The following KIF16B variants were observed in gnomAD, a reference collection of about 807,000 sequenced individuals.
KIF16B encodes kinesin-like protein KIF16B.
KIF16B carries 98 observed loss-of-function variants against 156.3 expected under a neutral mutation model. The observed-to-expected ratio is 0.63, with a 90% confidence interval of 0.53 to 0.74. The LOEUF (loss-of-function observed/expected upper bound fraction) is 0.74. Among genes scored for constraint, KIF16B ranks in the 30% least tolerant of loss-of-function variants. KIF16B has a pLI of 0.00. For synonymous variants in KIF16B, 564 were observed against 583.7 expected, an observed-to-expected ratio of 0.97 and a Z score of 0.49; for missense variants, 1,421 against 1,606.5, an observed-to-expected ratio of 0.88 and a Z score of 1.97.
intron 23 of KIF16B, among the ~76,000 whole-genome samples, chr20:16,338,178 C>G (rs148993478): frequency 6.6e-6 from 1 of 152,144 alleles, no homozygotes; most frequent in African/African-American, 2.4e-5. Context: ...CCGGCTCTCC[C>G]GTGAGGAAGC....
chr20:16,363,711 T>C (rs1400796377), intron 22 of KIF16B, among the ~76,000 whole-genome samples: 1 of 152,186 alleles, frequency 6.6e-6, no homozygotes, highest in Non-Finnish European at 1.5e-5. Context: ...GGTCCCAAAA[T>C]GATATGTGTG....
chr20:16,367,899 ACT>A, intron 22 of KIF16B: 1 of 1,488,556 alleles, frequency 6.7e-7, no homozygotes, highest in Non-Finnish European at 8.9e-7. Flanking sequence ...GGAATCGAAC[ACT>A]CTGTCCACCA....
chr20:16,442,979 C>G (rs1169539589), intron 12 of KIF16B, among the ~76,000 whole-genome samples: 1 of 152,170 alleles, frequency 6.6e-6, no homozygotes, highest in Non-Finnish European at 1.5e-5. Context: ...TGAGTAGGCT[C>G]CTTGCTTCTC....
At chr20:16,393,959 G>A (rs534587964) in intron 17 of KIF16B, among the ~76,000 whole-genome samples, 3 of 152,204 alleles carry the variant, frequency 2.0e-5, no homozygotes, top group African/African-American at 7.2e-5. Flanking sequence ...AACCTTGACT[G>A]AATTAGCAAC....
intron 25 of KIF16B, among the ~76,000 whole-genome samples, chr20:16,306,229 C>T (rs1429192179): frequency 1.3e-5 from 2 of 152,184 alleles, no homozygotes; most frequent in East Asian, 3.9e-4. Flanking sequence ...AGATGTATTC[C>T]TGGGATTTTT....
chr20:16,407,025 T>C (rs955226041), intron 15 of KIF16B, among the ~76,000 whole-genome samples: 2 of 152,184 alleles, frequency 1.3e-5, no homozygotes, highest in Non-Finnish European at 2.9e-5. Context: ...CAAAACCCTA[T>C]TAAAATTCCA....
intron 14 of KIF16B, among the ~76,000 whole-genome samples, chr20:16,428,166 T>C (rs191770838): frequency 1.3e-5 from 2 of 152,294 alleles, no homozygotes; most frequent in East Asian, 3.9e-4. Context: ...TCACAATAAA[T>C]AGTAAATATT....
At chr20:16,440,798 T>C (rs2066779069) in intron 12 of KIF16B, among the ~76,000 whole-genome samples, 2 of 152,202 alleles carry the variant, frequency 1.3e-5, no homozygotes, top group African/African-American at 4.8e-5. Flanking sequence ...ACACTTCCCA[T>C]TGCAGAAACA....
intron 23 of KIF16B, among the ~76,000 whole-genome samples, chr20:16,354,497 C>CAA (rs1285973222): frequency 6.6e-6 from 1 of 151,966 alleles, no homozygotes; most frequent in African/African-American, 2.4e-5. Flanking sequence ...CACACACACA[C>CAA]ACACACACAC....
rs1600375953 is a variant in KIF16B at position 16,430,045 on chromosome 20, T to C, written c.1303-63A>G. On this transcript the variant is annotated intron_variant, in intron 12 of 25. Coordinates refer to ENST00000354981, the MANE Select transcript of KIF16B (RefSeq NM_024704.5). ...TGGGAAAAGAGAACTTCAAATTAGG[T>C]GTTCTTCAGATTGTCAGAATGGGCA... 7 of 1,479,822 alleles carry C rather than the reference T, an allele frequency of 4.7e-6. No individual in the cohort carries two copies. In the East Asian group the frequency reaches 1.6e-4, roughly 35 times the overall value. 91.7% of individuals were successfully genotyped at this position (1,479,822 alleles called of 1,614,324 possible). A position where few individuals can be genotyped will look rare whatever the true frequency, so the allele number is the denominator to read the frequency against.
intron 20 of KIF16B, among the ~76,000 whole-genome samples, chr20:16,373,765 A>G (rs1382240872): frequency 1.3e-5 from 2 of 152,102 alleles, no homozygotes; most frequent in African/African-American, 2.4e-5. Context: ...CTCAAACCAC[A>G]CTTGACCCTT....
At chr20:16,466,860 T>C (rs1037893873) in intron 12 of KIF16B, among the ~76,000 whole-genome samples, 1 of 152,170 alleles carries the variant, frequency 6.6e-6, no homozygotes, top group Admixed American at 6.5e-5. Context: ...TGGACAAGTC[T>C]GAGAGCTAAA....
At chr20:16,299,240 G>T (rs2063436785) in intron 25 of KIF16B, among the ~76,000 whole-genome samples, 1 of 152,144 alleles carries the variant, frequency 6.6e-6, no homozygotes, top group Admixed American at 6.5e-5. Flanking sequence ...GTGTGTATGT[G>T]TGTGTGCATA....
intron 22 of KIF16B, chr20:16,367,223 C>A: frequency 6.2e-7 from 1 of 1,612,756 alleles, no homozygotes; most frequent in Non-Finnish European, 8.5e-7. Context: ...ACCTCAGGTG[C>A]GACATTCTGA....
chr20:16,344,645 G>A (rs988779264), intron 23 of KIF16B, among the ~76,000 whole-genome samples: 4 of 152,092 alleles, frequency 2.6e-5, no homozygotes, highest in African/African-American at 9.7e-5. Context: ...GCTCTCCTGG[G>A]TGCTGTCCTG....
intron 17 of KIF16B, among the ~76,000 whole-genome samples, chr20:16,401,463 G>C (rs755417036): frequency 5.9e-5 from 9 of 152,146 alleles, no homozygotes; most frequent in Non-Finnish European, 1.0e-4. Context: ...CCAGTATTTG[G>C]AACATCCACG....
chr20:16,344,846 T>G (rs1416532442), intron 23 of KIF16B, among the ~76,000 whole-genome samples: 1 of 152,232 alleles, frequency 6.6e-6, no homozygotes. Context: ...TCACCTAAGA[T>G]CAACTCCCTG....
chr20:16,486,290 A>C (rs542365595), intron 12 of KIF16B, among the ~76,000 whole-genome samples: 2 of 152,106 alleles, frequency 1.3e-5, no homozygotes, highest in Non-Finnish European at 2.9e-5. Flanking sequence ...AGGAGGGAGA[A>C]AGGAAGGGAG....
At chr20:16,430,012 G>C (rs369683835) in intron 12 of KIF16B, 30 bp from the exon 13 acceptor site, 1 of 1,581,232 alleles carries the variant, frequency 6.3e-7, no homozygotes, top group Non-Finnish European at 8.6e-7. Context: ...AAAAAGAAAA[G>C]GTTACTTTGG....
Sources: allele counts gnomAD v4.1 joint callset (sites outside exome capture counted in the v4.1 genomes callset), GRCh38; gene constraint gnomAD v4.1.1; transcripts MANE v1.5; gene names NCBI Gene and HGNC (gene_info 2026-07-23, HGNC 2026-07-21).